Variants in CHRM3 observed in about 807,000 individuals in gnomAD.
The protein encoded by CHRM3 is muscarinic acetylcholine receptor M3.
In CHRM3, 11 loss-of-function variants were observed where a neutral mutation model predicts 41.8. The ratio of observed to expected loss-of-function variants is 0.26; its 90% CI spans 0.17 to 0.44. CHRM3 has a LOEUF of 0.44. CHRM3 is among the 20% of genes least tolerant of loss of function. CHRM3 has a pLI of 1.00. For missense variants in CHRM3, 571 were observed against 745.4 expected, an observed-to-expected ratio of 0.77 and a Z score of 2.72; for synonymous variants, 297 against 301.4, an observed-to-expected ratio of 0.99 and a Z score of 0.15.
At chr1:239,656,283 C>A (rs757555732) in intron 4 of CHRM3, among the ~76,000 whole-genome samples, 34 of 151,672 alleles carry the variant, frequency 2.2e-4, no homozygotes, top group African/African-American at 8.2e-4. Flanking sequence ...TAAACTTGTA[C>A]GTGTACCCCC....
intron 1 of CHRM3, among the ~76,000 whole-genome samples, chr1:239,432,478 G>C (rs1319969579): frequency 6.6e-6 from 1 of 152,148 alleles, no homozygotes; most frequent in Non-Finnish European, 1.5e-5. Context: ...TTGCTGTTAC[G>C]TGAAGAGTGA....
intron 3 of CHRM3, among the ~76,000 whole-genome samples, chr1:239,595,377 T>G (rs1664669623): frequency 2.0e-5 from 3 of 152,208 alleles, no homozygotes; most frequent in Non-Finnish European, 4.4e-5. Context: ...GACTGTAGTA[T>G]TATTTTGAGT....
chr1:239,803,506 T>C (rs999502746), intron 5 of CHRM3, among the ~76,000 whole-genome samples: 1 of 152,218 alleles, frequency 6.6e-6, no homozygotes, highest in African/African-American at 2.4e-5. Flanking sequence ...AAGTATATTA[T>C]ATCAGTATGT....
chr1:239,478,097 C>A (rs1163998325), intron 1 of CHRM3, among the ~76,000 whole-genome samples: 2 of 152,126 alleles, frequency 1.3e-5, no homozygotes, highest in African/African-American at 4.8e-5. Flanking sequence ...AATGTGGAAA[C>A]CAGTTGAGTG....
At chr1:239,402,390 T>G (rs779628544) in intron 1 of CHRM3, among the ~76,000 whole-genome samples, 1 of 152,224 alleles carries the variant, frequency 6.6e-6, no homozygotes, top group Non-Finnish European at 1.5e-5. Context: ...ATCCAGGTCT[T>G]TCCCATCATC....
At chr1:239,881,282 C>CAA (rs71567253) in intron 6 of CHRM3, among the ~76,000 whole-genome samples, 16,258 of 33,816 alleles carry the variant, frequency 0.48, 5,926 homozygotes, top group South Asian at 0.6. Context: ...GACTCCGTCT[C>CAA]AAAAAAAAAA....
intron 1 of CHRM3, among the ~76,000 whole-genome samples, chr1:239,433,152 A>G (rs1662961670): frequency 6.6e-6 from 1 of 152,078 alleles, no homozygotes; most frequent in South Asian, 2.1e-4. Context: ...AAATACCACA[A>G]CCTACATATT....
chr1:239,510,946 AG>A (rs1259215153), intron 2 of CHRM3, among the ~76,000 whole-genome samples: 2 of 152,220 alleles, frequency 1.3e-5, no homozygotes, highest in African/African-American at 4.8e-5. Context: ...ATTAAGGGCA[AG>A]ATAGAATAGT....
At position 239,915,410 on chromosome 1, in the gene CHRM3, G is replaced by A. The variant is rs1680591681; in HGVS notation, c.*6186G>A. ...ACTTTGTGGTGAATATTATCCCCAA[G>A]TTAACAGTGAAATAAGTAAATAAAA... On this transcript the variant is annotated 3_prime_UTR_variant, in exon 7 of 7. Transcript: ENST00000676153. 1 of 167,046 alleles carries A rather than the reference G, an allele frequency of 6.0e-6. No individual in the cohort carries two copies. Among genetic ancestry groups the A allele is most frequent in the Non-Finnish European group, 1.5e-5 (1 of 68,112 alleles). The allele number at this position is 167,046 out of a possible 1,614,324, so 10.3% of individuals were successfully genotyped here. A position where few individuals can be genotyped will look rare whatever the true frequency, so the allele number is the denominator to read the frequency against.
At position 239,387,376 on chromosome 1, in the gene CHRM3, TG is replaced by T. The variant is rs1468865333; in HGVS notation, c.-521+152del. Reference sequence around the variant, plus strand: ...TGTGTTTGGAGTCCAAAGAAGGGGCTGGGTAGGGACGAGAGAGGCTGTTGAT... The same window carrying T: ...TGTGTTTGGAGTCCAAAGAAGGGGCTGGTAGGGACGAGAGAGGCTGTTGAT... On this transcript the variant is annotated intron_variant, in intron 1 of 6. Coordinates refer to ENST00000676153, the MANE Select transcript of CHRM3 (RefSeq NM_001375978.1). This position sits in a 1 kb window ranked among gnomAD's most constrained non-coding sequence, Gnocchi z 5.1. 4 of 151,462 alleles carry T rather than the reference TG, an allele frequency of 2.6e-5. No individual in the cohort carries two copies. The highest frequency in any genetic ancestry group is 9.7e-5 in the African/African-American group (4 of 41,142). The allele number at this position is 151,462 out of a possible 1,614,324, so 9.4% of individuals were successfully genotyped here.
chr1:239,389,235 T>A (rs1658809182), intron 1 of CHRM3, among the ~76,000 whole-genome samples: 1 of 152,242 alleles, frequency 6.6e-6, no homozygotes, highest in Admixed American at 6.5e-5. Flanking sequence ...GGTCAAGTTT[T>A]AAAGAAAGAA....
intron 5 of CHRM3, among the ~76,000 whole-genome samples, chr1:239,796,355 A>G (rs1669766775): frequency 6.6e-6 from 1 of 152,210 alleles, no homozygotes; most frequent in Non-Finnish European, 1.5e-5. Context: ...ATGGGGACAG[A>G]AAAAAATCAC....
chr1:239,472,656 A>G (rs147711702), intron 1 of CHRM3, among the ~76,000 whole-genome samples: 1 of 151,990 alleles, frequency 6.6e-6, no homozygotes, highest in Non-Finnish European at 1.5e-5. Flanking sequence ...GTTCTCACTT[A>G]TAAGTGGGAG....
intron 6 of CHRM3, among the ~76,000 whole-genome samples, chr1:239,898,811 C>T (rs918248998): frequency 6.6e-6 from 1 of 152,148 alleles, no homozygotes; most frequent in Admixed American, 6.5e-5. Context: ...AGCAATCTCA[C>T]ATGTATTTCA....
chr1:239,501,592 A>C (rs1668242606), intron 2 of CHRM3, among the ~76,000 whole-genome samples: 1 of 152,204 alleles, frequency 6.6e-6, no homozygotes, highest in African/African-American at 2.4e-5. Flanking sequence ...GTGGTGGCTC[A>C]TGCCTGTAAT....
intron 1 of CHRM3, among the ~76,000 whole-genome samples, chr1:239,400,006 G>A (rs1659831355): frequency 6.6e-6 from 1 of 152,068 alleles, no homozygotes; most frequent in African/African-American, 2.4e-5. Flanking sequence ...TCGGTCTTCT[G>A]GTTCAAGCGA....
chr1:239,814,890 C>T (rs1671447316), intron 5 of CHRM3, among the ~76,000 whole-genome samples: 1 of 152,178 alleles, frequency 6.6e-6, no homozygotes, highest in South Asian at 2.1e-4. Flanking sequence ...AAGCGATTCT[C>T]CTGCCCAGAC....
At chr1:239,830,472 G>A (rs550287604) in intron 6 of CHRM3, among the ~76,000 whole-genome samples, 68 of 152,280 alleles carry the variant, frequency 4.5e-4, no homozygotes, top group African/African-American at 1.2e-3. Flanking sequence ...GGGAGGCCGA[G>A]GCGGGCGGAT....
intron 4 of CHRM3, among the ~76,000 whole-genome samples, chr1:239,634,442 A>G (rs900500054): frequency 1.8e-4 from 27 of 151,250 alleles, no homozygotes; most frequent in Admixed American, 2.6e-4. Flanking sequence ...AAAAAAGAAC[A>G]GAAAAGAAAA....
Sources: gnomAD v4.1 joint callset for allele counts (sites outside exome capture counted in the v4.1 genomes callset) on GRCh38, gnomAD v4.1.1 for gene constraint, Gnocchi (gnomAD v3.1) non-coding constraint, MANE v1.5 for transcripts, NCBI Gene and HGNC (gene_info 2026-07-23, HGNC 2026-07-21) for gene names.